The following PDS5B variants were observed in gnomAD, a reference collection of about 807,000 sequenced individuals.
The protein encoded by PDS5B is sister chromatid cohesion protein PDS5 homolog B.
In PDS5B, 51 loss-of-function variants were observed where a neutral mutation model predicts 184.1. That is an observed-to-expected ratio of 0.28 (90% CI 0.22 to 0.35). The LOEUF is 0.35. Among genes scored for constraint, PDS5B ranks in the 10% least tolerant of loss-of-function variants. The probability of loss-of-function intolerance (pLI) is 1.00; values close to 1 mark genes in which losing one functional copy is unlikely to be tolerated. For missense variants in PDS5B, 1,180 were observed against 1,723.3 expected (o/e 0.68, Z 5.58); for synonymous variants, 566 against 569.2 (o/e 0.99, Z 0.08).
intron 3 of PDS5B, among the ~76,000 whole-genome samples, chr13:32,656,124 C>G (rs1158040545): frequency 6.6e-6 from 1 of 152,042 alleles, no homozygotes; most frequent in Non-Finnish European, 1.5e-5. Context: ...TGTTGAAAAT[C>G]AGATGGTTGT....
At chr13:32,616,790 A>G (rs2058227094) in intron 1 of PDS5B, among the ~76,000 whole-genome samples, 1 of 152,206 alleles carries the variant, frequency 6.6e-6, no homozygotes, top group Admixed American at 6.5e-5. Flanking sequence ...GAATCCTAAC[A>G]TATTGCGAAC....
At chr13:32,608,926 G>C (rs1275375344) in intron 1 of PDS5B, among the ~76,000 whole-genome samples, 4 of 152,150 alleles carry the variant, frequency 2.6e-5, no homozygotes, top group African/African-American at 7.2e-5. Flanking sequence ...TGTGGCTACT[G>C]CTTCACTTTT....
chr13:32,597,060 C>G (rs896715932), intron 1 of PDS5B, among the ~76,000 whole-genome samples: 3 of 151,796 alleles, frequency 2.0e-5, no homozygotes, highest in African/African-American at 7.3e-5. Context: ...TTTTTTGAGA[C>G]AGCGTCTCAC....
chr13:32,713,215 C>T (rs1198425675), intron 19 of PDS5B, among the ~76,000 whole-genome samples: 1 of 152,134 alleles, frequency 6.6e-6, no homozygotes, highest in African/African-American at 2.4e-5. Flanking sequence ...CAACTGTAGC[C>T]TGAGTTGGGA....
chr13:32,758,470 C>T, intron 27 of PDS5B, 64 bp from the exon 28 acceptor site: 1 of 1,451,034 alleles, frequency 6.9e-7, no homozygotes, highest in Non-Finnish European at 9.5e-7. Context: ...TGAAATTATT[C>T]CTAGTTTACA....
chr13:32,612,046 G>GCATCTTTTT (rs944786408), intron 1 of PDS5B, among the ~76,000 whole-genome samples: 1 of 151,202 alleles, frequency 6.6e-6, no homozygotes, highest in African/African-American at 2.4e-5. Context: ...TTCAGACTGT[G>GCATCTTTTT]CATCTTTTTT....
chr13:32,607,475 G>A (rs1175425953), intron 1 of PDS5B, among the ~76,000 whole-genome samples: 2 of 152,232 alleles, frequency 1.3e-5, no homozygotes, highest in Non-Finnish European at 2.9e-5. Context: ...GCCCCTACTG[G>A]GAGGTGTCTC....
chr13:32,590,886 G>A (rs1418540487), intron 1 of PDS5B, among the ~76,000 whole-genome samples: 1 of 151,636 alleles, frequency 6.6e-6, no homozygotes, highest in African/African-American at 2.4e-5. Flanking sequence ...AGAGTTGCAG[G>A]CCTTAAGTAC....
chr13:32,705,856 A>T (rs1951994657), intron 17 of PDS5B, among the ~76,000 whole-genome samples: 1 of 152,100 alleles, frequency 6.6e-6, no homozygotes, highest in Non-Finnish European at 1.5e-5. Flanking sequence ...ATGTAGAGAC[A>T]GGGTCTCGTT....
At chr13:32,724,503 T>C (rs1952828975) in intron 19 of PDS5B, among the ~76,000 whole-genome samples, 1 of 152,206 alleles carries the variant, frequency 6.6e-6, no homozygotes. Flanking sequence ...ATCAGGTTGT[T>C]TCTCTTGAAG....
chr13:32,767,858 T>A (rs1433455673), intron 31 of PDS5B, among the ~76,000 whole-genome samples: 1 of 151,938 alleles, frequency 6.6e-6, no homozygotes, highest in Non-Finnish European at 1.5e-5. Context: ...TAAATAAATA[T>A]AAAAGGAGGA....
intron 20 of PDS5B, among the ~76,000 whole-genome samples, chr13:32,734,440 CAA>C (rs1052432596): frequency 2.1e-4 from 32 of 152,182 alleles, no homozygotes; most frequent in African/African-American, 7.5e-4. Flanking sequence ...ATCAGAATAA[CAA>C]AAAATCATTT....
At chr13:32,688,638 C>CTGAA in intron 13 of PDS5B, 69 bp downstream of exon 13, 1 of 875,918 alleles carries the variant, frequency 1.1e-6, no homozygotes. Context: ...GGAAAAGAAA[C>CTGAA]TACAAACACC....
intron 1 of PDS5B, among the ~76,000 whole-genome samples, chr13:32,612,142 T>C (rs749346650): frequency 6.6e-6 from 1 of 152,132 alleles, no homozygotes; most frequent in African/African-American, 2.4e-5. Context: ...GAGTTTTCCT[T>C]ACCTCAGGGC....
At position 32,658,479 on chromosome 13, in the gene PDS5B, G is replaced by T; in HGVS notation, c.445G>T (p.Asp149Tyr). ...ATATAACATATGCTTTGAGTTAGAA[G>T]ATAGCAATGAAATTTTCACCCAGCT... is the stretch of plus-strand genomic sequence containing the variant. Reference protein sequence around the residue: ...KSYNICFELEDSNEIFTQLYR... With the variant: ...KSYNICFELEYSNEIFTQLYR... The change falls in exon 5 of 35, where the codon GAT (aspartate) becomes TAT (tyrosine). Residue 149 changes from aspartate (D) to tyrosine (Y), a missense_variant. By Grantham distance (160) the Asp-to-Tyr change is radical. Coordinates refer to ENST00000315596, the MANE Select transcript of PDS5B (RefSeq NM_015032.4). 1 of 1,587,040 alleles carries T rather than the reference G, an allele frequency of 6.3e-7. No individual in the cohort carries two copies. The highest frequency in any genetic ancestry group is 8.6e-7 in the Non-Finnish European group (1 of 1,160,970).
intron 23 of PDS5B, among the ~76,000 whole-genome samples, chr13:32,743,502 A>AC (rs1953636193): frequency 6.6e-6 from 1 of 152,152 alleles, no homozygotes; most frequent in Non-Finnish European, 1.5e-5. Flanking sequence ...CTCTGTGTAA[A>AC]CCAAGTGCCA....
At chr13:32,681,953 C>T (rs536893079) in intron 10 of PDS5B, among the ~76,000 whole-genome samples, 2 of 152,050 alleles carry the variant, frequency 1.3e-5, no homozygotes, top group Non-Finnish European at 2.9e-5. Context: ...AAAGGGAAGT[C>T]ATTTATAATA....
chr13:32,638,422 G>A (rs1004777509), intron 1 of PDS5B, among the ~76,000 whole-genome samples: 7 of 152,154 alleles, frequency 4.6e-5, no homozygotes, highest in Non-Finnish European at 8.8e-5. Context: ...TGGAGTGTGC[G>A]GGTGGGGAAC....
intron 19 of PDS5B, among the ~76,000 whole-genome samples, chr13:32,726,758 T>C (rs1294517158): frequency 6.6e-6 from 1 of 152,088 alleles, no homozygotes; most frequent in Non-Finnish European, 1.5e-5. Flanking sequence ...ATATTTAAAG[T>C]GAGTTTCTTG....
Sources: allele counts gnomAD v4.1 joint callset (sites outside exome capture counted in the v4.1 genomes callset), GRCh38; gene constraint gnomAD v4.1.1; transcripts MANE v1.5; gene names NCBI Gene and HGNC (gene_info 2026-07-23, HGNC 2026-07-21).